Variants in FAM133A observed in about 807,000 individuals in gnomAD.
FAM133A encodes protein FAM133A.
For missense variants in FAM133A, 159 were observed against 164.4 expected, an observed-to-expected ratio of 0.97 and a Z score of 0.18; for synonymous variants, 65 against 58.6, an observed-to-expected ratio of 1.11 and a Z score of -0.50.
At chrX:93,704,876 T>G (rs1010806082) in intron 3 of FAM133A, among the ~76,000 whole-genome samples, 2 of 111,347 alleles carry the variant, frequency 1.8e-5, no homozygotes, top group Non-Finnish European at 3.8e-5. Flanking sequence ...TCCTTCTGAT[T>G]GGGGCATTCA....
intron 3 of FAM133A, among the ~76,000 whole-genome samples, chrX:93,707,554 G>A (rs900566488): frequency 4.5e-5 from 5 of 111,144 alleles, no homozygotes; most frequent in South Asian, 7.6e-4. Context: ...CCATATTTAG[G>A]CTTCTTTTTA....
At chrX:93,696,337 G>A (rs759091442) in intron 2 of FAM133A, among the ~76,000 whole-genome samples, 3 of 111,388 alleles carry the variant, frequency 2.7e-5, no homozygotes, top group South Asian at 7.7e-4. Context: ...AAACAGGTAA[G>A]TGTCGATGCC....
At chrX:93,699,318 A>G (rs1169577709) in intron 3 of FAM133A, among the ~76,000 whole-genome samples, 1 of 111,565 alleles carries the variant, frequency 9.0e-6, no homozygotes, top group Non-Finnish European at 1.9e-5. Context: ...GAAAGCAGAA[A>G]GGAAAGGTGA....
chrX:93,690,908 T>C (rs1925843311), intron 2 of FAM133A, among the ~76,000 whole-genome samples: 2 of 111,900 alleles, frequency 1.8e-5, no homozygotes, highest in South Asian at 7.3e-4. Flanking sequence ...TTTTTTATTA[T>C]GGCCATTCTA....
intron 2 of FAM133A, among the ~76,000 whole-genome samples, chrX:93,681,079 G>A (rs1403810088): frequency 9.0e-6 from 1 of 111,007 alleles, no homozygotes; most frequent in Non-Finnish European, 1.9e-5. Flanking sequence ...TTTGCCTGTA[G>A]TACTCATCTG....
intron 2 of FAM133A, among the ~76,000 whole-genome samples, chrX:93,698,144 GTTAT>G (rs1043320065): frequency 2.7e-5 from 3 of 111,109 alleles, no homozygotes; most frequent in Non-Finnish European, 5.7e-5. Flanking sequence ...GCAATCTATA[GTTAT>G]TTATAGTAGA....
intron 2 of FAM133A, among the ~76,000 whole-genome samples, chrX:93,687,882 G>A (rs1925642076): frequency 9.0e-6 from 1 of 111,458 alleles, no homozygotes; most frequent in Admixed American, 9.5e-5. Flanking sequence ...TAAATTCTAC[G>A]TATTAGTGAG....
chrX:93,684,527 G>C (rs1925384312), intron 2 of FAM133A, among the ~76,000 whole-genome samples: 1 of 111,506 alleles, frequency 9.0e-6, no homozygotes, highest in Non-Finnish European at 1.9e-5. Flanking sequence ...GTCCATAATA[G>C]AGTTTCAAAT....
At chrX:93,700,047 TA>T (rs1471094109) in intron 3 of FAM133A, among the ~76,000 whole-genome samples, 2 of 110,791 alleles carry the variant, frequency 1.8e-5, no homozygotes, top group Non-Finnish European at 3.8e-5. Context: ...GTTTTTTTTT[TA>T]ATTGAACTAG....
In FAM133A at chrX:93,698,534, G is replaced by T. The variant is rs765422252; in HGVS notation, c.-104+49G>T. 6 of 111,775 alleles carry T rather than the reference G, an allele frequency of 5.4e-5. No individual in the cohort carries two copies. The East Asian group carries it at 1.7e-3, about 32-fold the overall frequency. 9.2% of individuals were successfully genotyped at this position (111,775 alleles called of 1,213,427 possible). A position where few individuals can be genotyped will look rare whatever the true frequency, so the allele number is the denominator to read the frequency against. ...GTGATCCACTCTGTCAAATTATGCTGATCCATGAGGTTAAAATGAAGAATA... is the reference window on the plus strand; with the variant it reads ...GTGATCCACTCTGTCAAATTATGCTTATCCATGAGGTTAAAATGAAGAATA... On this transcript the variant is annotated intron_variant, in intron 3 of 3. Transcript: ENST00000683942.
intron 2 of FAM133A, among the ~76,000 whole-genome samples, chrX:93,676,487 A>G (rs1183198469): frequency 9.0e-6 from 1 of 111,396 alleles, no homozygotes; most frequent in Admixed American, 9.6e-5. Context: ...AAATTAATCA[A>G]TGGTGAAATC....
At chrX:93,708,746 C>G (rs1012131211) in intron 3 of FAM133A, among the ~76,000 whole-genome samples, 2 of 111,781 alleles carry the variant, frequency 1.8e-5, no homozygotes, top group Non-Finnish European at 3.8e-5. Flanking sequence ...ATAGCCCAAG[C>G]GAGAGATGAT....
chrX:93,680,963 T>A (rs1925101292), intron 2 of FAM133A, among the ~76,000 whole-genome samples: 1 of 111,130 alleles, frequency 9.0e-6, no homozygotes, highest in Non-Finnish European at 1.9e-5. Flanking sequence ...TGTCTATTTT[T>A]GCTTTTGTTG....
At chrX:93,673,953 G>T (rs1924485687), upstream of FAM133A, 1 of 82,694 alleles carries the variant, frequency 1.2e-5, no homozygotes, top group African/African-American at 5.0e-5. Flanking sequence ...CTGAATTCCC[G>T]TTTAGTTTGT....
intron 2 of FAM133A, among the ~76,000 whole-genome samples, chrX:93,677,165 G>C (rs1469467790): frequency 9.1e-6 from 1 of 109,507 alleles, no homozygotes; most frequent in Admixed American, 9.8e-5. Context: ...TGGCGGGGGG[G>C]CTAAATGTTC....
At chrX:93,695,635 T>TG (rs1491113187) in intron 2 of FAM133A, among the ~76,000 whole-genome samples, 1 of 22,764 alleles carries the variant, frequency 4.4e-5, no homozygotes, top group Non-Finnish European at 1.1e-4. Flanking sequence ...AGGAATCTGC[T>TG]TTTTTTTTTT....
chrX:93,686,973 A>G (rs960475604), intron 2 of FAM133A, among the ~76,000 whole-genome samples: 1 of 112,049 alleles, frequency 8.9e-6, no homozygotes. Context: ...GAATTTTCCT[A>G]TCTGCTTTTC....
intron 2 of FAM133A, among the ~76,000 whole-genome samples, chrX:93,694,785 T>G (rs754884139): frequency 9.0e-6 from 1 of 110,964 alleles, no homozygotes; most frequent in South Asian, 3.8e-4. Context: ...AAAAATCTAC[T>G]GACTCTCTTT....
At chrX:93,701,582 T>G (rs192562140) in intron 3 of FAM133A, among the ~76,000 whole-genome samples, 1 of 112,092 alleles carries the variant, frequency 8.9e-6, no homozygotes, top group Admixed American at 9.5e-5. Flanking sequence ...TTACTTCATA[T>G]GTAGTCATGT....
Sources: gnomAD v4.1 joint callset for allele counts (sites outside exome capture counted in the v4.1 genomes callset) on GRCh38, gnomAD v4.1.1 for gene constraint, MANE v1.5 for transcripts, NCBI Gene and HGNC (gene_info 2026-07-23, HGNC 2026-07-21) for gene names.